PCDH15: variants seen among roughly 807,000 people sequenced by gnomAD.
The protein encoded by PCDH15 is protocadherin related 15.
PCDH15 carries 129 observed loss-of-function variants against 178.5 expected under a neutral mutation model. The ratio of observed to expected loss-of-function variants is 0.72; its 90% CI spans 0.63 to 0.84. The LOEUF (loss-of-function observed/expected upper bound fraction) is 0.84, where lower values mean the gene tolerates loss of function less well. Ranked by LOEUF, PCDH15 falls within the 40% of genes least tolerant of loss-of-function variation. The pLI is 0.00. For missense variants in PCDH15, 2,230 were observed against 2,099.9 expected (o/e 1.06, Z -1.21); for synonymous variants, 800 against 732.0 (o/e 1.09, Z -1.50).
intron 1 of PCDH15, among the ~76,000 whole-genome samples, chr10:55,173,307 TTATGTG>T (rs1564861117): frequency 1.6e-5 from 1 of 64,160 alleles, no homozygotes; most frequent in Non-Finnish European, 3.9e-5. Context: ...ATTAGAAAGA[TTATGTG>T]TGTGTGTGTG....
chr10:55,446,193 T>A (rs1360744), intron 2 of PCDH15, among the ~76,000 whole-genome samples: 115,369 of 150,980 alleles, frequency 0.76, 45,359 homozygotes, highest in East Asian at 0.99. Flanking sequence ...ATACACACAC[T>A]CACACGAACA....
rs538405055 is a variant in PCDH15 at position 54,052,885 on chromosome 10, C to A, written c.2220+13872G>T. 2.6e-5 allele frequency among the ~76,000 whole-genome samples: 4 copies of A among 152,248 alleles called. No individual in the cohort carries two copies. In the East Asian group the frequency reaches 7.7e-4, roughly 29 times the overall value. On this transcript the variant is annotated intron_variant, in intron 18 of 37. Transcript: ENST00000644397. The stretch of plus-strand genomic sequence containing the variant: ...TTACCTCCATGCTGTTCTCATGATA[C>A]TACGTTTTCACAAGATTGATGGTTT...
intron 2 of PCDH15, among the ~76,000 whole-genome samples, chr10:54,627,158 C>A (rs562136852): frequency 6.6e-6 from 1 of 152,188 alleles, no homozygotes; most frequent in East Asian, 1.9e-4. Context: ...AGGCAGAAGG[C>A]CCTTGCCTTG....
chr10:54,084,282 A>G (rs900415925), intron 16 of PCDH15, among the ~76,000 whole-genome samples: 2 of 151,434 alleles, frequency 1.3e-5, no homozygotes, highest in African/African-American at 4.9e-5. Context: ...CCTTCTGTCA[A>G]ATGGGAAAGT....
chr10:54,670,729 T>C (rs1362108033), intron 1 of PCDH15, among the ~76,000 whole-genome samples: 2 of 152,112 alleles, frequency 1.3e-5, no homozygotes, highest in African/African-American at 4.8e-5. Context: ...TTATATTGGA[T>C]ATTTTCTTAG....
rs953582505 is a variant in PCDH15, at chr10:53,996,209, A to C, written c.2752-444T>G. On this transcript the variant is annotated intron_variant, in intron 20 of 37. Transcript: ENST00000644397. ...AATTATTTTATATACTTAGCATAAT[A>C]CTGACTAGAACATTTCAGATACAAA... Among the ~76,000 whole-genome samples the C allele has an allele frequency of 1.6e-3, 172 of 107,254 alleles. 1 individual carries two copies. Among genetic ancestry groups the C allele is most frequent in the Middle Eastern group, 6.1e-3 (1 of 164 alleles). 70.4% of individuals were successfully genotyped at this position (107,254 alleles called of 152,430 possible).
intron 2 of PCDH15, among the ~76,000 whole-genome samples, chr10:55,063,493 T>C (rs1007917116): frequency 5.3e-5 from 8 of 152,128 alleles, no homozygotes; most frequent in Non-Finnish European, 1.2e-4. Context: ...TTTTCCCTCA[T>C]ACTAGTTGTA....
intron 17 of PCDH15, among the ~76,000 whole-genome samples, chr10:54,071,376 G>T (rs1400494228): frequency 6.6e-6 from 1 of 152,054 alleles, no homozygotes; most frequent in Non-Finnish European, 1.5e-5. Flanking sequence ...ACTTTTAAGG[G>T]CAGTGTGTAA....
At chr10:55,285,108 A>G (rs527400377) in intron 1 of PCDH15, among the ~76,000 whole-genome samples, 14 of 149,294 alleles carry the variant, frequency 9.4e-5, no homozygotes, top group African/African-American at 1.5e-4. Context: ...TAATTCTTTT[A>G]TATGGTAAAT....
At chr10:55,530,756 A>T (rs1230511438) in intron 2 of PCDH15, among the ~76,000 whole-genome samples, 1 of 152,024 alleles carries the variant, frequency 6.6e-6, no homozygotes, top group Admixed American at 6.6e-5. Flanking sequence ...TGGAAAATTA[A>T]TTATTTTAAG....
At chr10:54,248,302 G>T (rs7896210) in intron 8 of PCDH15, among the ~76,000 whole-genome samples, 1 of 151,744 alleles carries the variant, frequency 6.6e-6, no homozygotes, top group Admixed American at 6.6e-5. Flanking sequence ...TTTAAAAATC[G>T]TACTTAAAAA....
At chr10:55,409,771 G>A (rs1838288394) in intron 2 of PCDH15, among the ~76,000 whole-genome samples, 1 of 151,980 alleles carries the variant, frequency 6.6e-6, no homozygotes, top group East Asian at 1.9e-4. Context: ...GCACATCCAG[G>A]GACATATATT....
intron 3 of PCDH15, among the ~76,000 whole-genome samples, chr10:54,521,153 G>A (rs189824887): frequency 1.3e-5 from 2 of 152,000 alleles, no homozygotes; most frequent in Admixed American, 6.5e-5. Flanking sequence ...CATGGCACAT[G>A]TATACATATG....
intron 3 of PCDH15, among the ~76,000 whole-genome samples, chr10:54,388,203 T>A (rs1293718916): frequency 6.6e-6 from 1 of 152,192 alleles, no homozygotes; most frequent in Non-Finnish European, 1.5e-5. Context: ...GAAAGTCTTT[T>A]CTCTGTTCAA....
chr10:54,032,770 C>T lies in PCDH15; in HGVS notation c.2221-9573G>A, dbSNP rs1011696945. 5.9e-5 allele frequency among the ~76,000 whole-genome samples: 9 copies of T among 151,984 alleles called. No homozygotes were observed. In the East Asian group the frequency reaches 1.4e-3, roughly 23 times the overall value. On this transcript the variant is annotated intron_variant, in intron 18 of 37. Transcript: ENST00000644397. ...GTTTTCACAATGCTATAAATAACTT[C>T]CCAGAAACTGGGGGATTTATAAATG...
rs573524390 is a variant in PCDH15, at chr10:54,896,511, C to A, written c.-29+939G>T. Among the ~76,000 whole-genome samples the A allele has an allele frequency of 2.7e-4, 18 of 66,544 alleles. No individual in the cohort carries two copies. In the East Asian group the frequency reaches 8.4e-3, roughly 31 times the overall value. The allele number at this position is 66,544 out of a possible 152,430, so 43.7% of individuals were successfully genotyped here. ...ATTAAGGTGCAACTGAATTTCCCAG[C>A]GGAAAAAAAAAAAATAGCTTAGCTC... is the stretch of plus-strand genomic sequence containing the variant. On this transcript the variant is annotated intron_variant, in intron 3 of 5. Transcript: ENST00000458638.
chr10:55,502,395 A>G (rs76772604), intron 2 of PCDH15, among the ~76,000 whole-genome samples: 6,238 of 151,690 alleles, frequency 0.041, 380 homozygotes, highest in East Asian at 0.29. Flanking sequence ...TCTTGAAAAA[A>G]GCTTCCATCA....
chr10:54,831,910 C>T (rs994730601), intron 3 of PCDH15, among the ~76,000 whole-genome samples: 1 of 151,828 alleles, frequency 6.6e-6, no homozygotes, highest in Non-Finnish European at 1.5e-5. Context: ...TATAATAGCT[C>T]AGGGAAAAAA....
intron 2 of PCDH15, among the ~76,000 whole-genome samples, chr10:55,073,627 T>A (rs541837251): frequency 6.6e-6 from 1 of 152,292 alleles, no homozygotes; most frequent in South Asian, 2.1e-4. Context: ...TGTGCCTTTG[T>A]CTGGTTTTGA....
Sources: gnomAD v4.1 joint callset for allele counts (sites outside exome capture counted in the v4.1 genomes callset) on GRCh38, gnomAD v4.1.1 for gene constraint, MANE v1.5 for transcripts, NCBI Gene and HGNC (gene_info 2026-07-23, HGNC 2026-07-21) for gene names.